The following SMCO4 variants were observed in gnomAD, a reference collection of about 807,000 sequenced individuals.
The protein encoded by SMCO4 is single-pass membrane and coiled-coil domain-containing protein 4.
In SMCO4, 4 loss-of-function variants were observed where a neutral mutation model predicts 3.6. That is an observed-to-expected ratio of 1.11 (90% confidence interval 0.54 to 2.53). The LOEUF (loss-of-function observed/expected upper bound fraction) is 2.53. SMCO4 is among the 30% of genes most tolerant of loss of function. The pLI is 0.02. For synonymous variants in SMCO4, 36 were observed against 35.3 expected, an observed-to-expected ratio of 1.02 and a Z score of -0.07; for missense variants, 70 against 80.8, an observed-to-expected ratio of 0.87 and a Z score of 0.51.
intron 1 of SMCO4, chr11:93,535,333 T>C (rs1565390580): frequency 1.0e-5 from 6 of 590,384 alleles, no homozygotes; most frequent in Non-Finnish European, 1.2e-5. Context: ...GAGGGTTTGG[T>C]TCCCTCATCT....
At chr11:93,504,482 A>T (rs1201236773) in intron 1 of SMCO4, among the ~76,000 whole-genome samples, 2 of 152,256 alleles carry the variant, frequency 1.3e-5, no homozygotes, top group East Asian at 1.9e-4. Flanking sequence ...TCCAGCCCAA[A>T]GCCTGTGGCC....
intron 1 of SMCO4, among the ~76,000 whole-genome samples, chr11:93,528,963 A>G (rs1169082566): frequency 6.6e-6 from 1 of 152,154 alleles, no homozygotes; most frequent in African/African-American, 2.4e-5. Flanking sequence ...GTCAGCAGAG[A>G]CAAAAGCCAC....
intron 1 of SMCO4, among the ~76,000 whole-genome samples, chr11:93,509,252 C>T (rs116876784): frequency 6.6e-6 from 1 of 151,330 alleles, no homozygotes; most frequent in East Asian, 1.9e-4. Context: ...GATTGCACTG[C>T]TGTACTTTAG....
chr11:93,534,240 ACAC>A (rs1949193011), intron 1 of SMCO4, among the ~76,000 whole-genome samples: 1 of 10,602 alleles, frequency 9.4e-5, no homozygotes, highest in East Asian at 4.0e-3. Context: ...ACACACACAC[ACAC>A]ACACACACAC....
upstream of SMCO4, among the ~76,000 whole-genome samples, chr11:93,544,910 C>CT (rs1234525193): frequency 1.3e-5 from 2 of 152,166 alleles, no homozygotes; most frequent in Non-Finnish European, 2.9e-5. Flanking sequence ...TAAGGAGCAT[C>CT]TTTTTAGTGT....
At chr11:93,516,181 C>T (rs1949006192) in intron 1 of SMCO4, among the ~76,000 whole-genome samples, 1 of 151,982 alleles carries the variant, frequency 6.6e-6, no homozygotes, top group Admixed American at 6.5e-5. Context: ...GTACCAAGAC[C>T]AAGAACACAG....
At chr11:93,511,073 TGAGA>T (rs1282784280) in intron 1 of SMCO4, among the ~76,000 whole-genome samples, 1 of 151,930 alleles carries the variant, frequency 6.6e-6, no homozygotes, top group Non-Finnish European at 1.5e-5. Flanking sequence ...CACTCCAGCC[TGAGA>T]GACAGAGCAA....
upstream of SMCO4, among the ~76,000 whole-genome samples, chr11:93,543,954 G>A (rs1949295169): frequency 6.6e-6 from 1 of 152,190 alleles, no homozygotes; most frequent in African/African-American, 2.4e-5. Flanking sequence ...ATATGTGTGC[G>A]CAGCTCAGCA....
At chr11:93,490,104 A>C (rs1948696705) in intron 2 of SMCO4, among the ~76,000 whole-genome samples, 2 of 152,246 alleles carry the variant, frequency 1.3e-5, no homozygotes, top group African/African-American at 2.4e-5. Context: ...CTAAGATTGC[A>C]CGAAATCCTC....
the SMCO4 span, among the ~76,000 whole-genome samples, chr11:93,552,454 A>G: frequency 8.5e-6 from 1 of 117,450 alleles, no homozygotes; most frequent in African/African-American, 3.4e-5. Flanking sequence ...TATTATTATT[A>G]TTATTATTAT....
intron 1 of SMCO4, among the ~76,000 whole-genome samples, chr11:93,512,623 C>T (rs1948967874): frequency 6.6e-6 from 1 of 152,182 alleles, no homozygotes; most frequent in Non-Finnish European, 1.5e-5. Context: ...TCCAGTATAG[C>T]AACATGCTGT....
intron 2 of SMCO4, among the ~76,000 whole-genome samples, chr11:93,492,248 C>T (rs561462525): frequency 1.8e-4 from 28 of 152,296 alleles, no homozygotes; most frequent in Non-Finnish European, 2.9e-5. Flanking sequence ...ACTCACTCAC[C>T]AATTCATTCT....
In SMCO4 at chr11:93,479,045, C is replaced by T; in HGVS notation, c.145G>A (p.Val49Met). 1 of 1,613,124 alleles carries T rather than the reference C, an allele frequency of 6.2e-7. No homozygotes were observed. Among genetic ancestry groups the T allele is most frequent in the East Asian group, 2.2e-5 (1 of 44,842 alleles). The part of the protein sequence containing the change: ...AVVVLLIVVF[V>M]YVATRPTITE ...ATGGTGGGGCGCGTGGCCACGTACA[C>T]AAACACCACGATCAAGAGCACGACC... is the stretch of plus-strand genomic sequence containing the variant. Residue 49 changes from valine (V) to methionine (M), a missense_variant, in exon 3 of 3, where the codon GTG becomes ATG. Transcript: ENST00000298966.
Position 93,491,200 on chromosome 11 carries a change from G to A in SMCO4, c.-81+8076C>T, listed in dbSNP as rs1164462957. On this transcript the variant is annotated intron_variant, in intron 2 of 2. Transcript: ENST00000298966. ...AGCTCAACTCCAAGGCAAGGCTGGGGAAGAATTCCTGAGAAAGCATGCAAG... is the reference window on the plus strand; with the variant it reads ...AGCTCAACTCCAAGGCAAGGCTGGGAAAGAATTCCTGAGAAAGCATGCAAG... 2.0e-5 allele frequency among the ~76,000 whole-genome samples: 3 copies of A among 152,234 alleles called. No homozygotes were observed. In the East Asian group the frequency reaches 5.8e-4, roughly 29 times the overall value.
At chr11:93,544,207 T>A (rs926195887), upstream of SMCO4, among the ~76,000 whole-genome samples, 2 of 152,252 alleles carry the variant, frequency 1.3e-5, no homozygotes, top group Admixed American at 1.3e-4. Context: ...CACTATAAAG[T>A]TCTTTACGCA....
chr11:93,542,930 A>C lies in SMCO4; in HGVS notation c.-154+346T>G, dbSNP rs529093276. Among the ~76,000 whole-genome samples, 178 of 152,004 alleles carry C rather than the reference A, an allele frequency of 1.2e-3. 1 individual carries two copies. The highest frequency in any genetic ancestry group is 4.2e-3 in the African/African-American group (173 of 41,478). On this transcript the variant is annotated intron_variant, in intron 1 of 2. Transcript: ENST00000298966. ...TTTGCACTGCGTCCCCCGGCCCCTG[A>C]GTCCGCCCCGCACCCGCACTTCCCG...
intron 2 of SMCO4, among the ~76,000 whole-genome samples, chr11:93,485,987 T>C (rs999060601): frequency 2.6e-5 from 4 of 152,192 alleles, no homozygotes; most frequent in Non-Finnish European, 4.4e-5. Flanking sequence ...CGTTAAGTAT[T>C]TAATGAATGA....
chr11:93,489,594 T>C (rs1454070571), intron 2 of SMCO4, among the ~76,000 whole-genome samples: 2 of 152,082 alleles, frequency 1.3e-5, no homozygotes, highest in Non-Finnish European at 2.9e-5. Flanking sequence ...AGTAGGAGGT[T>C]CAATTTAACC....
chr11:93,488,204 G>A (rs560544224), intron 2 of SMCO4, among the ~76,000 whole-genome samples: 23 of 152,322 alleles, frequency 1.5e-4, no homozygotes, highest in African/African-American at 5.5e-4. Flanking sequence ...GGCAGGGCAG[G>A]ACCCATGCAC....
Sources: allele counts gnomAD v4.1 joint callset (sites outside exome capture counted in the v4.1 genomes callset), GRCh38; gene constraint gnomAD v4.1.1; transcripts MANE v1.5; gene names NCBI Gene and HGNC (gene_info 2026-07-23, HGNC 2026-07-21).